The following STK10 variants were observed in gnomAD, a reference collection of about 807,000 sequenced individuals.
The protein encoded by STK10 is serine/threonine kinase 10.
A neutral mutation model predicts 113.8 loss-of-function variants in STK10; 78 were observed. That is an observed-to-expected ratio of 0.69 (90% CI 0.57 to 0.83). The LOEUF is 0.83. STK10 is among the 40% of genes least tolerant of loss of function. The probability of loss-of-function intolerance (pLI) is 0.00; values close to 1 mark genes in which losing one functional copy is unlikely to be tolerated. For synonymous variants in STK10, 465 were observed against 494.7 expected (o/e 0.94, Z 0.80); for missense variants, 1,109 against 1,280.1 (o/e 0.87, Z 2.04).
intron 12 of STK10, among the ~76,000 whole-genome samples, chr5:172,079,574 T>TTTATTTA (rs376382909): frequency 0.12 from 18,269 of 147,598 alleles, 1,285 homozygotes; most frequent in African/African-American, 0.21. Flanking sequence ...TATTTATTTA[T>TTTATTTA]TTTTGAGATG....
Position 172,052,459 on chromosome 5 carries a change from T to C in STK10, c.2766+470A>G, listed in dbSNP as rs927766084. Among the ~76,000 whole-genome samples, 4 of 152,330 alleles carry C rather than the reference T, an allele frequency of 2.6e-5. No homozygotes were observed. In the East Asian group the frequency reaches 7.7e-4, roughly 29 times the overall value. On this transcript the variant is annotated intron_variant, in intron 18 of 18. Transcript: ENST00000176763. Reference sequence around the variant, plus strand: ...GAACCCAGAGAGCCCACCCAGACTCTTGAACTCCATCACTAGGAGAGAGTA... The same window carrying C: ...GAACCCAGAGAGCCCACCCAGACTCCTGAACTCCATCACTAGGAGAGAGTA...
At chr5:172,182,514 G>T (rs1444175820) in intron 1 of STK10, among the ~76,000 whole-genome samples, 1 of 150,372 alleles carries the variant, frequency 6.7e-6, no homozygotes, top group African/African-American at 2.5e-5. Flanking sequence ...CTCCTGAGTA[G>T]CTGGGACCAC....
chr5:172,160,064 A>C (rs1380721896), intron 1 of STK10, among the ~76,000 whole-genome samples: 1 of 151,980 alleles, frequency 6.6e-6, no homozygotes, highest in Non-Finnish European at 1.5e-5. Flanking sequence ...TGAACTCGGG[A>C]GACGGAGATT....
intron 1 of STK10, among the ~76,000 whole-genome samples, chr5:172,184,644 T>C (rs1770919583): frequency 6.6e-6 from 1 of 152,018 alleles, no homozygotes; most frequent in Non-Finnish European, 1.5e-5. Context: ...TTAAAGTCAC[T>C]TTTTGTTTTT....
At chr5:172,064,627 G>A in intron 13 of STK10, 93 bp downstream of exon 13, 1 of 1,323,416 alleles carries the variant, frequency 7.6e-7, no homozygotes, top group East Asian at 2.3e-5. Flanking sequence ...GTATTTGAGG[G>A]GCAGGGATTG....
intron 13 of STK10, 179 bp from the exon 14 acceptor site, chr5:172,061,447 G>A (rs1767935562): frequency 3.9e-6 from 3 of 762,566 alleles, no homozygotes; most frequent in East Asian, 6.2e-5. Flanking sequence ...TTCAACATGT[G>A]GGCTTCATCT....
chr5:172,076,617 G>A (rs1164268996), intron 12 of STK10, among the ~76,000 whole-genome samples: 1 of 152,200 alleles, frequency 6.6e-6, no homozygotes, highest in Admixed American at 6.5e-5. Context: ...AATGTTTCCA[G>A]ATATTGCCAA....
At chr5:172,117,779 C>T in intron 3 of STK10, 149 bp from the exon 4 acceptor site, 1 of 1,116,350 alleles carries the variant, frequency 9.0e-7, no homozygotes. Context: ...CTTTGAGAGG[C>T]CGAGGCAGGT....
chr5:172,089,833 G>A (rs535063096), intron 10 of STK10, among the ~76,000 whole-genome samples: 2 of 152,010 alleles, frequency 1.3e-5, no homozygotes, highest in South Asian at 2.1e-4. Flanking sequence ...GGATTGATGC[G>A]TGGATAAATG....
At chr5:172,157,354 C>T (rs980266171) in intron 1 of STK10, among the ~76,000 whole-genome samples, 1 of 151,998 alleles carries the variant, frequency 6.6e-6, no homozygotes, top group East Asian at 1.9e-4. Flanking sequence ...GTCAGGAGTT[C>T]GAGACAAGCC....
intron 9 of STK10, among the ~76,000 whole-genome samples, chr5:172,092,213 T>G (rs189265465): frequency 6.6e-6 from 1 of 152,312 alleles, no homozygotes; most frequent in East Asian, 1.9e-4. Flanking sequence ...AGCCCTCTGC[T>G]GAGAACTGCT....
chr5:172,146,937 C>G (rs1428474261), intron 2 of STK10, among the ~76,000 whole-genome samples: 2 of 152,220 alleles, frequency 1.3e-5, no homozygotes, highest in Non-Finnish European at 2.9e-5. Context: ...ATCTCACAGG[C>G]TGAGGGCTCA....
At chr5:172,148,621 AG>A (rs1770138245) in intron 2 of STK10, among the ~76,000 whole-genome samples, 1 of 152,240 alleles carries the variant, frequency 6.6e-6, no homozygotes, top group Non-Finnish European at 1.5e-5. Context: ...CCCCCGGCAC[AG>A]GCCTCCTCAC....
chr5:172,119,007 T>C (rs1237159551), intron 3 of STK10, among the ~76,000 whole-genome samples: 1 of 151,896 alleles, frequency 6.6e-6, no homozygotes, highest in Admixed American at 6.6e-5. Flanking sequence ...CTGTTGGTGG[T>C]GGCACCAGGG....
At chr5:172,068,847 T>C (rs766915197) in intron 12 of STK10, among the ~76,000 whole-genome samples, 3 of 150,616 alleles carry the variant, frequency 2.0e-5, no homozygotes, top group Non-Finnish European at 4.4e-5. Flanking sequence ...ATCATACCAT[T>C]GCACTTCAGC....
At chr5:172,117,972 C>T (rs762424820) in intron 3 of STK10, among the ~76,000 whole-genome samples, 2 of 145,194 alleles carry the variant, frequency 1.4e-5, no homozygotes, top group African/African-American at 2.6e-5. Flanking sequence ...GAGATCGTAC[C>T]ACTGCACTCC....
chr5:172,116,805 T>C (rs1366205511), intron 4 of STK10, among the ~76,000 whole-genome samples: 1 of 151,908 alleles, frequency 6.6e-6, no homozygotes, highest in Non-Finnish European at 1.5e-5. Context: ...GAGGTGGAGG[T>C]TGCAGTGAGC....
intron 10 of STK10, 109 bp from the exon 11 acceptor site, chr5:172,083,193 A>C: frequency 1.4e-6 from 2 of 1,439,504 alleles, no homozygotes; most frequent in South Asian, 2.4e-5. Context: ...AAATCACACA[A>C]GTCTGGGGCA....
Position 172,055,605 on chromosome 5 carries a change from G to A in STK10, c.2509C>T (p.Arg837Cys), listed in dbSNP as rs1767731379. 4 of 1,517,264 alleles carry A rather than the reference G, an allele frequency of 2.6e-6. No homozygotes were observed. Among genetic ancestry groups the A allele is most frequent in the African/African-American group, 1.4e-5 (1 of 71,576 alleles). 94.0% of individuals were successfully genotyped at this position (1,517,264 alleles called of 1,614,324 possible). Residue 837 changes from arginine to cysteine, a missense_variant, in exon 16 of 19, where the codon CGT becomes TGT. Transcript: ENST00000176763. Reference sequence around the variant, plus strand: ...GCCCCCACCTGCTTGATCTTCTCACGCTGCTCAGCTGCGCTGCCCCCGCCG... The same window carrying A: ...GCCCCCACCTGCTTGATCTTCTCACACTGCTCAGCTGCGCTGCCCCCGCCG... ...INGGGSAAEQ[R>C]EKIKQFSQQE...
Sources: gnomAD v4.1 joint callset for allele counts (sites outside exome capture counted in the v4.1 genomes callset) on GRCh38, gnomAD v4.1.1 for gene constraint, MANE v1.5 for transcripts, NCBI Gene and HGNC (gene_info 2026-07-23, HGNC 2026-07-21) for gene names.